ITPR2: variants seen among roughly 807,000 people sequenced by gnomAD.
ITPR2 encodes the protein inositol 1,4,5-trisphosphate-gated calcium channel ITPR2.
In ITPR2, 207 loss-of-function variants were observed where a neutral mutation model predicts 317.1. The observed-to-expected ratio is 0.65, with a 90% CI of 0.58 to 0.73. ITPR2 has a LOEUF of 0.73. ITPR2 is among the 30% of genes least tolerant of loss of function. ITPR2 has a pLI of 0.00. For synonymous variants in ITPR2, 1,156 were observed against 1,149.1 expected (o/e 1.01, Z -0.12); for missense variants, 2,613 against 3,284.0 (o/e 0.80, Z 4.99).
chr12:26,715,662 A>G (rs1948728049), intron 7 of ITPR2, 90 bp downstream of exon 7: 2 of 857,116 alleles, frequency 2.3e-6, no homozygotes, highest in Admixed American at 2.3e-5. Flanking sequence ...TAAATTATGA[A>G]CACCAGTGAA....
intron 45 of ITPR2, among the ~76,000 whole-genome samples, chr12:26,471,999 A>G (rs1030666702): frequency 6.6e-6 from 1 of 152,242 alleles, no homozygotes; most frequent in Non-Finnish European, 1.5e-5. Context: ...TAAGAAACCA[A>G]ATATGACATC....
intron 37 of ITPR2, among the ~76,000 whole-genome samples, chr12:26,530,217 G>C (rs1282008207): frequency 6.6e-6 from 1 of 152,176 alleles, no homozygotes; most frequent in Non-Finnish European, 1.5e-5. Context: ...GATGTAGCAA[G>C]GGCCCCAATG....
chr12:26,794,699 G>A (rs537559441), intron 1 of ITPR2, among the ~76,000 whole-genome samples: 21 of 152,326 alleles, frequency 1.4e-4, no homozygotes, highest in African/African-American at 5.1e-4. Context: ...CTGATTGCAT[G>A]CCACATACTG....
chr12:26,693,493 C>T (rs1054743191), intron 10 of ITPR2, among the ~76,000 whole-genome samples: 3 of 152,186 alleles, frequency 2.0e-5, no homozygotes, highest in African/African-American at 7.2e-5. Context: ...TCAAGTTTCT[C>T]ATATAAAATT....
At chr12:26,710,116 C>A (rs908795487) in intron 9 of ITPR2, among the ~76,000 whole-genome samples, 1 of 152,078 alleles carries the variant, frequency 6.6e-6, no homozygotes, top group African/African-American at 2.4e-5. Context: ...AACCTGTAGT[C>A]CCAGCTACTC....
At chr12:26,678,408 AAGAC>A (rs1947959833) in intron 13 of ITPR2, among the ~76,000 whole-genome samples, 1 of 132,910 alleles carries the variant, frequency 7.5e-6, no homozygotes, top group Non-Finnish European at 1.6e-5. Flanking sequence ...GTAAAAAGGG[AAGAC>A]AGAGAGAGAG....
At chr12:26,617,996 TA>T (rs1262670886) in intron 26 of ITPR2, among the ~76,000 whole-genome samples, 16 of 152,204 alleles carry the variant, frequency 1.1e-4, no homozygotes, top group Admixed American at 5.2e-4. Context: ...ACAGATTAAA[TA>T]AAAAATAATA....
At chr12:26,495,895 T>C (rs1257073268) in intron 37 of ITPR2, among the ~76,000 whole-genome samples, 2 of 152,176 alleles carry the variant, frequency 1.3e-5, no homozygotes, top group African/African-American at 4.8e-5. Flanking sequence ...GACTGAATTA[T>C]ATTTAAACTC....
chr12:26,740,751 G>T (rs1300849049), intron 2 of ITPR2, among the ~76,000 whole-genome samples: 2 of 152,122 alleles, frequency 1.3e-5, no homozygotes, highest in African/African-American at 2.4e-5. Context: ...AAACTTTTTT[G>T]TCTTCCCAGG....
At position 26,657,790 on chromosome 12, in the gene ITPR2, T is replaced by G. The variant is rs772806010; in HGVS notation, c.2109A>C (p.Glu703Asp). The change falls in exon 18 of 57, where the codon GAA (glutamate) becomes GAC (aspartate). Residue 703 changes from glutamate (E) to aspartate (D), a missense_variant. Around this residue, in one of 9 missense-constraint regions of ITPR2, gnomAD observed 817 missense variants for 897.6 expected, o/e 0.91. Coordinates refer to ENST00000381340, the MANE Select transcript of ITPR2 (RefSeq NM_002223.4). The stretch of plus-strand genomic sequence containing the variant: ...GGTGCCTGATAGCTTTGCCATGAGG[T>G]TCCTTGTTGCTGTCAATCCAATAGA... The part of the protein sequence containing the change: ...VWLYWIDSNK[E>D]PHGKAIRHLA... 6.2e-7 allele frequency: 1 copy of G among 1,614,136 alleles called. No individual in the cohort carries two copies. Among genetic ancestry groups the G allele is most frequent in the South Asian group, 1.1e-5 (1 of 91,080 alleles).
At chr12:26,617,901 A>T (rs948487323) in intron 26 of ITPR2, among the ~76,000 whole-genome samples, 1 of 152,214 alleles carries the variant, frequency 6.6e-6, no homozygotes, top group Admixed American at 6.5e-5. Flanking sequence ...TAGCAATGTA[A>T]AAACAAATCA....
intron 32 of ITPR2, among the ~76,000 whole-genome samples, chr12:26,591,843 A>G (rs1945717105): frequency 6.6e-6 from 1 of 151,876 alleles, no homozygotes; most frequent in Non-Finnish European, 1.5e-5. Flanking sequence ...CTCAAAAAAA[A>G]AAAAGCAACA....
chr12:26,777,464 G>A (rs113492373), intron 2 of ITPR2, among the ~76,000 whole-genome samples: 2 of 152,204 alleles, frequency 1.3e-5, no homozygotes. Flanking sequence ...TGGATCCCAA[G>A]GTGGTAGGGG....
intron 47 of ITPR2, among the ~76,000 whole-genome samples, chr12:26,437,104 C>A (rs1029127083): frequency 6.6e-6 from 1 of 152,210 alleles, no homozygotes; most frequent in Non-Finnish European, 1.5e-5. Flanking sequence ...GTTCTTTCCA[C>A]CTCTGTTAAA....
chr12:26,432,217 C>T (rs890794499), intron 48 of ITPR2, among the ~76,000 whole-genome samples: 3 of 147,634 alleles, frequency 2.0e-5, no homozygotes, highest in Non-Finnish European at 3.0e-5. Context: ...ACATGGGATT[C>T]AGTTGTCACG....
chr12:26,579,744 T>G lies in ITPR2; in HGVS notation c.4509+283A>C, dbSNP rs572776824. Among the ~76,000 whole-genome samples, 22 of 152,268 alleles carry G rather than the reference T, an allele frequency of 1.4e-4. No individual in the cohort carries two copies. The East Asian group carries it at 4.2e-3, about 29-fold the overall frequency. On this transcript the variant is annotated intron_variant, in intron 33 of 56. Transcript: ENST00000381340. ...ACTTTAGGGGCAAAATGTCTATCAT[T>G]TAAAGAATTAATTGTGCAGTTATTT... is the stretch of plus-strand genomic sequence containing the variant.
At chr12:26,460,869 C>T (rs977483530) in intron 45 of ITPR2, among the ~76,000 whole-genome samples, 3 of 152,138 alleles carry the variant, frequency 2.0e-5, no homozygotes, top group African/African-American at 7.2e-5. Flanking sequence ...TGTTTGCCCT[C>T]CGACCTGGAT....
At chr12:26,664,077 C>T (rs372827319) in intron 14 of ITPR2, among the ~76,000 whole-genome samples, 235 of 152,128 alleles carry the variant, frequency 1.5e-3, no homozygotes, top group Non-Finnish European at 2.4e-3. Context: ...AAATAAAATG[C>T]TTAATTTTGT....
At chr12:26,688,543 GGAA>G (rs1948173831) in intron 10 of ITPR2, among the ~76,000 whole-genome samples, 1 of 152,056 alleles carries the variant, frequency 6.6e-6, no homozygotes. Flanking sequence ...GAGAAGCAGA[GGAA>G]GAAGAAGGAG....
Sources: allele counts gnomAD v4.1 joint callset (sites outside exome capture counted in the v4.1 genomes callset), GRCh38; gene constraint gnomAD v4.1.1; regional missense constraint gnomAD v4.1.1; transcripts MANE v1.5; gene names NCBI Gene and HGNC (gene_info 2026-07-23, HGNC 2026-07-21).